Variants in NUCB2 observed in about 807,000 individuals in gnomAD.
NUCB2 encodes the protein nucleobindin 2, also known as nucleobindin-2.
NUCB2 carries 48 observed loss-of-function variants against 57.9 expected under a neutral mutation model. The observed-to-expected ratio is 0.83, with a 90% confidence interval of 0.66 to 1.05. The LOEUF (loss-of-function observed/expected upper bound fraction) is 1.05, where lower values mean the gene tolerates loss of function less well. NUCB2 is among the 50% of genes least tolerant of loss of function. NUCB2 has a pLI of 0.00. For synonymous variants in NUCB2, 139 were observed against 152.1 expected, an observed-to-expected ratio of 0.91 and a Z score of 0.64; for missense variants, 442 against 476.2, an observed-to-expected ratio of 0.93 and a Z score of 0.67.
intron 2 of NUCB2, among the ~76,000 whole-genome samples, chr11:17,341,975 T>C (rs904225812): frequency 7.9e-5 from 12 of 152,222 alleles, no homozygotes; most frequent in Non-Finnish European, 1.2e-4. Flanking sequence ...AAGCTATTAA[T>C]TATTGCCTCA....
intron 11 of NUCB2, among the ~76,000 whole-genome samples, chr11:17,319,559 T>C (rs899093179): frequency 1.3e-5 from 2 of 152,322 alleles, no homozygotes; most frequent in Non-Finnish European, 2.9e-5. Flanking sequence ...GTATATAATA[T>C]GGATGTGTAT....
At chr11:17,298,489 G>A (rs1946194636) in intron 4 of NUCB2, among the ~76,000 whole-genome samples, 1 of 151,700 alleles carries the variant, frequency 6.6e-6, no homozygotes, top group African/African-American at 2.4e-5. Context: ...GATCACTCGA[G>A]CCCAGGAGTT....
In NUCB2 at chr11:17,314,445, C is replaced by T. The variant is rs1948952894; in HGVS notation, c.913-941C>T. On this transcript the variant is annotated intron_variant, in intron 10 of 13. Coordinates refer to ENST00000529010, the MANE Select transcript of NUCB2 (RefSeq NM_005013.4). Reference sequence around the variant, plus strand: ...GATTCGTGACTTCATCCTTGCCTTGCTCTCTGTGACTCTCTCTCCTCTGGC... The same window carrying T: ...GATTCGTGACTTCATCCTTGCCTTGTTCTCTGTGACTCTCTCTCCTCTGGC... 2.0e-5 allele frequency among the ~76,000 whole-genome samples: 3 copies of T among 152,180 alleles called. No homozygotes were observed. The South Asian group carries it at 6.2e-4, about 32-fold the overall frequency.
At chr11:17,278,068 T>A (rs1941700615) in intron 1 of NUCB2, among the ~76,000 whole-genome samples, 1 of 149,660 alleles carries the variant, frequency 6.7e-6, no homozygotes, top group Admixed American at 6.7e-5. Context: ...GGGGGTCAAA[T>A]TTTTTTTTTA....
intron 1 of NUCB2, among the ~76,000 whole-genome samples, chr11:17,279,125 G>T (rs1461443964): frequency 6.6e-6 from 1 of 152,188 alleles, no homozygotes; most frequent in Non-Finnish European, 1.5e-5. Flanking sequence ...CCTGGAGGCG[G>T]AGGTTGCAGT....
intron 4 of NUCB2, among the ~76,000 whole-genome samples, chr11:17,298,927 G>C (rs572187141): frequency 6.6e-6 from 1 of 152,282 alleles, no homozygotes; most frequent in Non-Finnish European, 1.5e-5. Flanking sequence ...TCAAACTCCT[G>C]ACCTCAAATG....
chr11:17,277,505 AGGAG>A (rs2137725850), intron 1 of NUCB2, among the ~76,000 whole-genome samples: 1 of 152,146 alleles, frequency 6.6e-6, no homozygotes, highest in Non-Finnish European at 1.5e-5. Context: ...GAGGGAAAGA[AGGAG>A]AGAGAGAGAG....
At chr11:17,287,394 G>A (rs567906073) in intron 2 of NUCB2, among the ~76,000 whole-genome samples, 1 of 151,988 alleles carries the variant, frequency 6.6e-6, no homozygotes, top group Admixed American at 6.6e-5. Flanking sequence ...TATTAAGGCC[G>A]GGCGTGGTGG....
intron 5 of NUCB2, among the ~76,000 whole-genome samples, chr11:17,307,132 G>A (rs766213802): frequency 1.3e-5 from 2 of 151,920 alleles, no homozygotes; most frequent in South Asian, 4.2e-4. Flanking sequence ...TTGAACTCCT[G>A]AGCTCAAGCG....
At chr11:17,315,357 A>G (rs1184816767) in intron 10 of NUCB2, 29 bp from the exon 11 acceptor site, 3 of 1,250,308 alleles carry the variant, frequency 2.4e-6, no homozygotes, top group East Asian at 2.3e-5. Flanking sequence ...GATTTACTTT[A>G]TATTATGTAT....
chr11:17,314,749 C>T (rs1948999256), intron 10 of NUCB2, among the ~76,000 whole-genome samples: 1 of 152,136 alleles, frequency 6.6e-6, no homozygotes, highest in Non-Finnish European at 1.5e-5. Flanking sequence ...CAGTAACTTT[C>T]ATCTGAATTT....
At chr11:17,280,339 T>C (rs1336728301) in intron 1 of NUCB2, among the ~76,000 whole-genome samples, 1 of 152,196 alleles carries the variant, frequency 6.6e-6, no homozygotes, top group Non-Finnish European at 1.5e-5. Context: ...ACTAATGTCT[T>C]GATCAGGGAA....
At chr11:17,316,666 T>G (rs966280557) in intron 11 of NUCB2, among the ~76,000 whole-genome samples, 1 of 152,196 alleles carries the variant, frequency 6.6e-6, no homozygotes, top group Non-Finnish European at 1.5e-5. Context: ...TATATCAACT[T>G]GTAACACAGT....
At chr11:17,349,954 C>T (rs1320981016) in exon 3 of NUCB2, 1 of 152,186 alleles carries the variant, frequency 6.6e-6, no homozygotes, top group Non-Finnish European at 1.5e-5. Context: ...ATAAAGAACA[C>T]AGAAAGTCAG....
chr11:17,291,089 C>T (rs1944860370), intron 2 of NUCB2, among the ~76,000 whole-genome samples: 1 of 152,088 alleles, frequency 6.6e-6, no homozygotes, highest in African/African-American at 2.4e-5. Flanking sequence ...CTCCCTCCAC[C>T]AGCAGCCCTC....
chr11:17,325,770 T>C (rs1276394687), intron 11 of NUCB2, among the ~76,000 whole-genome samples: 2 of 152,152 alleles, frequency 1.3e-5, no homozygotes, highest in African/African-American at 4.8e-5. Context: ...GTCTTCCTTT[T>C]AGTGAAGCTA....
chr11:17,341,747 T>C (rs1327126976), intron 2 of NUCB2, among the ~76,000 whole-genome samples: 1 of 152,196 alleles, frequency 6.6e-6, no homozygotes, highest in Non-Finnish European at 1.5e-5. Flanking sequence ...TTTGCATCGA[T>C]GTTCATCAGG....
intron 2 of NUCB2, among the ~76,000 whole-genome samples, chr11:17,288,953 A>G (rs1171373523): frequency 8.5e-5 from 3 of 35,198 alleles, no homozygotes; most frequent in African/African-American, 7.9e-4. Flanking sequence ...ACACACACAT[A>G]TATATATATA....
chr11:17,310,197 T>C (rs559564169), intron 6 of NUCB2, among the ~76,000 whole-genome samples: 2 of 152,276 alleles, frequency 1.3e-5, no homozygotes, highest in South Asian at 4.1e-4. Context: ...ATTTTAGTTT[T>C]CTGTACTGTC....
Sources: gnomAD v4.1 joint callset for allele counts (sites outside exome capture counted in the v4.1 genomes callset) on GRCh38, gnomAD v4.1.1 for gene constraint, MANE v1.5 for transcripts, NCBI Gene and HGNC (gene_info 2026-07-23, HGNC 2026-07-21) for gene names.